The following COA1 variants were observed in gnomAD, a reference collection of about 807,000 sequenced individuals.
The protein encoded by COA1 is cytochrome c oxidase assembly factor 1, also known as cytochrome c oxidase assembly factor 1 homolog.
In COA1, 13 loss-of-function variants were observed where a neutral mutation model predicts 16.0. The observed-to-expected ratio is 0.81, with a 90% CI of 0.53 to 1.29. The LOEUF is 1.29. Among genes scored for constraint, COA1 ranks in the 50% most tolerant of loss-of-function variants. The pLI, the probability that COA1 is intolerant of heterozygous loss-of-function variation, is 0.00. For missense variants in COA1, 179 were observed against 177.0 expected, an observed-to-expected ratio of 1.01 and a Z score of -0.06; for synonymous variants, 65 against 65.7, an observed-to-expected ratio of 0.99 and a Z score of 0.05.
At chr7:43,634,673 C>G (rs1337423907), downstream of COA1, among the ~76,000 whole-genome samples, 1 of 152,194 alleles carries the variant, frequency 6.6e-6, no homozygotes, top group Non-Finnish European at 1.5e-5. Flanking sequence ...AGGCTCCCCA[C>G]TTGGCTTTTG....
chr7:43,672,788 A>AG (rs1235641545), intron 1 of COA1, among the ~76,000 whole-genome samples: 236 of 151,810 alleles, frequency 1.6e-3, no homozygotes, highest in Admixed American at 4.5e-3. Context: ...AAAAAAAAAA[A>AG]AGAGAGAGAG....
intron 1 of COA1, among the ~76,000 whole-genome samples, chr7:43,723,443 T>C (rs1295315660): frequency 4.6e-5 from 7 of 152,188 alleles, no homozygotes; most frequent in Non-Finnish European, 8.8e-5. Context: ...GGAGGTAAAC[T>C]TGCCTGTCAG....
chr7:43,627,740 A>C (rs2084720694), intron 6 of COA1, among the ~76,000 whole-genome samples: 1 of 152,204 alleles, frequency 6.6e-6, no homozygotes, highest in African/African-American at 2.4e-5. Flanking sequence ...TTTGGAGAGA[A>C]GGGGATATAA....
chr7:43,675,373 T>C (rs532395440), intron 1 of COA1, among the ~76,000 whole-genome samples: 111 of 151,932 alleles, frequency 7.3e-4, no homozygotes, highest in African/African-American at 2.2e-3. Context: ...TAGGTGGGAA[T>C]TGAACAATGA....
intron 6 of COA1, chr7:43,633,240 G>A (rs765937511): frequency 3.3e-5 from 5 of 152,160 alleles, no homozygotes; most frequent in African/African-American, 4.8e-5. Context: ...CACTTGCTGC[G>A]TCACGTTGTA....
chr7:43,659,271 A>G (rs912252104), intron 1 of COA1: 7 of 152,254 alleles, frequency 4.6e-5, no homozygotes, highest in African/African-American at 1.7e-4. Context: ...GAATTTATCA[A>G]TATTATCCTT....
At chr7:43,620,683 A>AAT (rs1385833516) in intron 6 of COA1, among the ~76,000 whole-genome samples, 1 of 151,984 alleles carries the variant, frequency 6.6e-6, no homozygotes, top group African/African-American at 2.4e-5. Context: ...CAAAAAAAAA[A>AAT]AAAAGAATAT....
At chr7:43,701,440 T>A (rs1453631662) in intron 1 of COA1, among the ~76,000 whole-genome samples, 3 of 152,238 alleles carry the variant, frequency 2.0e-5, no homozygotes, top group Non-Finnish European at 4.4e-5. Flanking sequence ...GTAAAGGACA[T>A]GATTCTGCTC....
At chr7:43,708,285 A>G (rs1196468687) in intron 1 of COA1, among the ~76,000 whole-genome samples, 1 of 152,100 alleles carries the variant, frequency 6.6e-6, no homozygotes, top group Non-Finnish European at 1.5e-5. Flanking sequence ...CATAGTGAGA[A>G]CTCATCTCTA....
intron 6 of COA1, chr7:43,609,679 G>A (rs1305057732): frequency 6.6e-6 from 1 of 152,198 alleles, no homozygotes; most frequent in Non-Finnish European, 1.5e-5. Context: ...CACAGAACAT[G>A]CCACAGCAAC....
intron 1 of COA1, among the ~76,000 whole-genome samples, chr7:43,704,128 G>A (rs544163136): frequency 6.6e-6 from 1 of 152,284 alleles, no homozygotes; most frequent in Non-Finnish European, 1.5e-5. Context: ...TTTCTTTAAG[G>A]ATGCTGAATA....
intron 1 of COA1, among the ~76,000 whole-genome samples, chr7:43,666,308 C>T (rs1305733924): frequency 6.6e-6 from 1 of 152,160 alleles, no homozygotes; most frequent in Non-Finnish European, 1.5e-5. Flanking sequence ...TAAAATGGCA[C>T]CCTTAATTTT....
intron 1 of COA1, among the ~76,000 whole-genome samples, chr7:43,720,241 G>A (rs1269719126): frequency 1.3e-5 from 2 of 151,656 alleles, no homozygotes; most frequent in Non-Finnish European, 2.9e-5. Flanking sequence ...TCGCACCACT[G>A]CACTCCAGCC....
Position 43,639,655 on chromosome 7 carries a change from T to C in COA1, c.368A>G (p.Glu123Gly). 1 of 1,613,956 alleles carries C rather than the reference T, an allele frequency of 6.2e-7. No individual in the cohort carries two copies. The highest frequency in any genetic ancestry group is 8.5e-7 in the Non-Finnish European group (1 of 1,179,924). Residue 123 changes from glutamate (E) to glycine (G), a missense_variant, in exon 6 of 6, where the codon GAG (glutamate) becomes GGG (glycine). Glu to Gly is a moderately conservative substitution (Grantham distance 98, BLOSUM62 -2). Coordinates refer to ENST00000223336, the MANE Select transcript of COA1 (RefSeq NM_018224.4). ...AGGAATCTGCTGACCATCCTTGAGC[T>C]CTAAAAAGACCTCGTCAAGGTGCCA... Reference protein sequence around the residue: ...QRWHLDEVFLELKDGQQIPVF... With the variant: ...QRWHLDEVFLGLKDGQQIPVF...
chr7:43,616,629 G>A (rs535368077), intron 6 of COA1, among the ~76,000 whole-genome samples: 12 of 152,314 alleles, frequency 7.9e-5, no homozygotes, highest in African/African-American at 2.4e-4. Context: ...CGGGCGCGGT[G>A]GCTCACGCCT....
Position 43,639,420 on chromosome 7 carries a change from C to A in COA1, c.*162G>T. The A allele has an allele frequency of 3.7e-6, 2 of 544,942 alleles. No individual in the cohort carries two copies. The highest frequency in any genetic ancestry group is 2.8e-5 in the South Asian group (1 of 36,194). 33.8% of individuals were successfully genotyped at this position (544,942 alleles called of 1,614,324 possible). On this transcript the variant is annotated 3_prime_UTR_variant, in exon 6 of 6. Coordinates refer to ENST00000223336, the MANE Select transcript of COA1 (RefSeq NM_018224.4). ...ATTTGTTGTGCCCAAGTTAGAATTA[C>A]ACCAAAATTACCATGTGCTGGCACA... is the stretch of plus-strand genomic sequence containing the variant.
chr7:43,714,126 T>C (rs904906293), intron 1 of COA1, among the ~76,000 whole-genome samples: 1 of 152,112 alleles, frequency 6.6e-6, no homozygotes, highest in Non-Finnish European at 1.5e-5. Flanking sequence ...ACTTCCAGGT[T>C]GCAATGAGGT....
At chr7:43,644,142 T>A (rs1297757679) in intron 4 of COA1, among the ~76,000 whole-genome samples, 2 of 152,108 alleles carry the variant, frequency 1.3e-5, no homozygotes, top group Non-Finnish European at 1.5e-5. Flanking sequence ...CAGCCGGGTG[T>A]TCCTCTCCAC....
chr7:43,728,131 C>T (rs918003438), intron 1 of COA1, among the ~76,000 whole-genome samples: 2 of 152,064 alleles, frequency 1.3e-5, no homozygotes, highest in South Asian at 2.1e-4. Flanking sequence ...CCCGCCACCA[C>T]GCCCGGCTAA....
Sources: gnomAD v4.1 joint callset for allele counts (sites outside exome capture counted in the v4.1 genomes callset) on GRCh38, gnomAD v4.1.1 for gene constraint, MANE v1.5 for transcripts, NCBI Gene and HGNC (gene_info 2026-07-23, HGNC 2026-07-21) for gene names.